Variants in RIMS2 observed in about 807,000 individuals in gnomAD.
RIMS2 encodes regulating synaptic membrane exocytosis protein 2.
In RIMS2, 59 loss-of-function variants were observed where a neutral mutation model predicts 174.4. The ratio of observed to expected loss-of-function variants is 0.34; its 90% confidence interval spans 0.27 to 0.42. RIMS2 has a LOEUF of 0.42. RIMS2 is among the 10% of genes least tolerant of loss of function. The pLI is 1.00. For missense variants in RIMS2, 1,620 were observed against 1,666.3 expected (o/e 0.97, Z 0.48); for synonymous variants, 606 against 572.5 (o/e 1.06, Z -0.84).
chr8:103,605,443 G>A (rs6468879), intron 1 of RIMS2, among the ~76,000 whole-genome samples: 144,064 of 145,176 alleles, frequency 0.99, 71,490 homozygotes, highest in East Asian at 1. Flanking sequence ...TTCATCAAGG[G>A]TATTGGTCTA....
chr8:104,011,904 T>G lies in RIMS2; in HGVS notation c.3045-1538T>G, dbSNP rs914442595. Among the ~76,000 whole-genome samples, 7 of 152,078 alleles carry G rather than the reference T, an allele frequency of 4.6e-5. No homozygotes were observed. The East Asian group carries it at 1.2e-3, about 25-fold the overall frequency. Reference sequence around the variant, plus strand: ...ATTGTGATGAAGATATATAAAGATGTTAGACTAAAAACATGCAGCAAACTA... The same window carrying G: ...ATTGTGATGAAGATATATAAAGATGGTAGACTAAAAACATGCAGCAAACTA... On this transcript the variant is annotated intron_variant, in intron 17 of 23. Transcript: ENST00000504942.
chr8:103,734,093 A>G (rs1237737655), intron 2 of RIMS2, among the ~76,000 whole-genome samples: 1 of 134,472 alleles, frequency 7.4e-6, no homozygotes. Context: ...GCTCACTGCA[A>G]CCTCCGCCTC....
chr8:103,505,614 C>T (rs1298789610), intron 1 of RIMS2, among the ~76,000 whole-genome samples: 1 of 151,986 alleles, frequency 6.6e-6, no homozygotes, highest in Non-Finnish European at 1.5e-5. Context: ...ATATTTGAGA[C>T]AGATTCCTAG....
intron 17 of RIMS2, among the ~76,000 whole-genome samples, chr8:104,006,668 C>CTCTCTG (rs2095595213): frequency 1.4e-5 from 2 of 139,410 alleles, no homozygotes; most frequent in African/African-American, 5.3e-5. Flanking sequence ...CTCTCTCTCT[C>CTCTCTG]TGTGTCTCTC....
In RIMS2 at chr8:103,630,629, C is replaced by T. The variant is rs551769289; in HGVS notation, c.177-66457C>T. ...AACAAAGATGTCTACATGCTACTTA[C>T]AGTAGTAAGATGTTGAAAGACTATG... On this transcript the variant is annotated intron_variant, in intron 1 of 23. Coordinates refer to ENST00000504942, the Ensembl canonical transcript of RIMS2. 2.1e-5 allele frequency among the ~76,000 whole-genome samples: 3 copies of T among 146,168 alleles called. No individual in the cohort carries two copies. In the South Asian group the frequency reaches 6.6e-4, roughly 32 times the overall value.
chr8:104,134,521 A>G (rs1284858785), intron 19 of RIMS2, among the ~76,000 whole-genome samples: 3 of 152,316 alleles, frequency 2.0e-5, no homozygotes, highest in South Asian at 4.1e-4. Flanking sequence ...GGTAATCTGA[A>G]TCCAACAGGT....
chr8:104,195,514 C>CTT (rs34923122), intron 19 of RIMS2, among the ~76,000 whole-genome samples: 3 of 111,782 alleles, frequency 2.7e-5, no homozygotes, highest in African/African-American at 6.6e-5. Context: ...ATTTTATCTC[C>CTT]TTTTTTTTTT....
At chr8:103,869,694 T>A (rs2099101244) in intron 3 of RIMS2, among the ~76,000 whole-genome samples, 1 of 152,108 alleles carries the variant, frequency 6.6e-6, no homozygotes, top group South Asian at 2.1e-4. Context: ...AAACTGTGGG[T>A]TATCTCAATA....
At chr8:103,861,128 C>T (rs938009484) in intron 3 of RIMS2, among the ~76,000 whole-genome samples, 1 of 145,976 alleles carries the variant, frequency 6.9e-6, no homozygotes, top group Non-Finnish European at 1.5e-5. Context: ...TCACCCCCCT[C>T]CTAAGCCCCC....
chr8:103,885,785 T>G, exon 4 of RIMS2: 1 of 1,612,890 alleles, frequency 6.2e-7, no homozygotes, highest in South Asian at 1.1e-5. Flanking sequence ...AAGGCAAAGA[T>G]CTATATCAGA....
chr8:103,871,785 GT>G (rs146277824), intron 3 of RIMS2, among the ~76,000 whole-genome samples: 7 of 147,362 alleles, frequency 4.8e-5, no homozygotes, highest in East Asian at 2.0e-4. Context: ...GAAGGTGTTT[GT>G]TTTTTTTTTA....
chr8:103,593,321 C>T (rs749632183), intron 1 of RIMS2, among the ~76,000 whole-genome samples: 1 of 151,376 alleles, frequency 6.6e-6, no homozygotes, highest in Non-Finnish European at 1.5e-5. Flanking sequence ...TTCCAGCTGA[C>T]CAATGTGTGC....
intron 19 of RIMS2, among the ~76,000 whole-genome samples, chr8:104,129,803 C>A (rs957339206): frequency 5.0e-4 from 76 of 152,254 alleles, no homozygotes; most frequent in African/African-American, 1.7e-3. Context: ...GACTTTGGAA[C>A]AAATGTTGTG....
intron 17 of RIMS2, among the ~76,000 whole-genome samples, chr8:104,009,281 T>C (rs1356274928): frequency 6.6e-6 from 1 of 151,516 alleles, no homozygotes; most frequent in Non-Finnish European, 1.5e-5. Flanking sequence ...AAATATAATG[T>C]TTCTGCTGGT....
At chr8:103,976,238 A>G (rs1439006530) in intron 16 of RIMS2, 2 of 152,236 alleles carry the variant, frequency 1.3e-5, no homozygotes, top group Non-Finnish European at 2.9e-5. Flanking sequence ...GGAAAAACAA[A>G]ATGCTATTCA....
chr8:103,547,553 C>T (rs1243437627), intron 1 of RIMS2, among the ~76,000 whole-genome samples: 1 of 152,064 alleles, frequency 6.6e-6, no homozygotes, highest in Non-Finnish European at 1.5e-5. Flanking sequence ...CACATAAAAA[C>T]ATTGGAAAGA....
intron 19 of RIMS2, among the ~76,000 whole-genome samples, chr8:104,053,699 T>C (rs1465599907): frequency 6.6e-6 from 1 of 152,110 alleles, no homozygotes; most frequent in East Asian, 1.9e-4. Flanking sequence ...GATTGAAAAA[T>C]TGAAGTACAG....
At chr8:104,129,744 T>C (rs1167440383) in intron 19 of RIMS2, among the ~76,000 whole-genome samples, 1 of 152,240 alleles carries the variant, frequency 6.6e-6, no homozygotes, top group Non-Finnish European at 1.5e-5. Flanking sequence ...ATGTTTTACC[T>C]TGGGATTGTT....
At chr8:103,792,868 G>A (rs199915130) in intron 3 of RIMS2, among the ~76,000 whole-genome samples, 71 of 151,864 alleles carry the variant, frequency 4.7e-4, no homozygotes, top group Non-Finnish European at 8.8e-4. Context: ...TACACCTTCC[G>A]AAGACTAAAC....
Sources: gnomAD v4.1 joint callset for allele counts (sites outside exome capture counted in the v4.1 genomes callset) on GRCh38, gnomAD v4.1.1 for gene constraint, MANE v1.5 for transcripts, NCBI Gene and HGNC (gene_info 2026-07-23, HGNC 2026-07-21) for gene names.